PDE1A: variants seen among roughly 807,000 people sequenced by gnomAD.
PDE1A encodes the protein dual specificity calcium/calmodulin-dependent 3',5'-cyclic nucleotide phosphodiesterase 1A.
Under a neutral mutation model 61.7 loss-of-function variants are expected in PDE1A, and 35 were observed. The ratio of observed to expected loss-of-function variants is 0.57; its 90% confidence interval spans 0.43 to 0.75. PDE1A has a LOEUF of 0.75. Among genes scored for constraint, PDE1A ranks in the 30% least tolerant of loss-of-function variants. The pLI is 0.00. For missense variants in PDE1A, 597 were observed against 630.6 expected, an observed-to-expected ratio of 0.95 and a Z score of 0.57; for synonymous variants, 232 against 213.2, an observed-to-expected ratio of 1.09 and a Z score of -0.77.
chr2:182,685,387 TACTC>T, the PDE1A span, among the ~76,000 whole-genome samples: 4 of 152,204 alleles, frequency 2.6e-5, no homozygotes, highest in Non-Finnish European at 4.4e-5. Context: ...GTTTATGTAA[TACTC>T]ATTCTCATTA....
At chr2:182,436,696 T>C (rs1158344993) in intron 2 of PDE1A, among the ~76,000 whole-genome samples, 1 of 152,004 alleles carries the variant, frequency 6.6e-6, no homozygotes, top group Non-Finnish European at 1.5e-5. Context: ...ATATGCCCTG[T>C]TTCAGTTAAT....
intron 1 of PDE1A, among the ~76,000 whole-genome samples, chr2:182,319,659 G>C (rs1055461179): frequency 6.6e-6 from 1 of 152,166 alleles, no homozygotes; most frequent in African/African-American, 2.4e-5. Flanking sequence ...TAAGAAGTAT[G>C]TTTAAGCACC....
At chr2:182,360,308 G>A (rs898052447) in intron 1 of PDE1A, among the ~76,000 whole-genome samples, 12 of 151,972 alleles carry the variant, frequency 7.9e-5, no homozygotes, top group African/African-American at 1.9e-4. Context: ...TTTTAAATTC[G>A]TATAATCTCA....
the PDE1A span, among the ~76,000 whole-genome samples, chr2:182,609,690 C>A: frequency 6.6e-6 from 1 of 152,222 alleles, no homozygotes. Context: ...TAACACTCAC[C>A]GCGAGGGTTC....
chr2:182,268,213 A>G (rs1692771145), intron 1 of PDE1A, among the ~76,000 whole-genome samples: 1 of 151,972 alleles, frequency 6.6e-6, no homozygotes, highest in African/African-American at 2.4e-5. Flanking sequence ...GTGGATGAGG[A>G]CGGCTACTGT....
the PDE1A span, among the ~76,000 whole-genome samples, chr2:182,630,827 C>T: frequency 2.6e-5 from 4 of 152,230 alleles, no homozygotes; most frequent in East Asian, 7.7e-4. Flanking sequence ...CAGGTGCTCA[C>T]TAGAACACAG....
At chr2:182,276,262 A>G (rs914396162) in intron 1 of PDE1A, among the ~76,000 whole-genome samples, 2 of 152,132 alleles carry the variant, frequency 1.3e-5, no homozygotes, top group Non-Finnish European at 2.9e-5. Context: ...TGCTCCAAAT[A>G]GCAACTGCTG....
At chr2:182,188,310 G>A (rs1685412836) in intron 11 of PDE1A, among the ~76,000 whole-genome samples, 1 of 152,200 alleles carries the variant, frequency 6.6e-6, no homozygotes, top group Admixed American at 6.5e-5. Flanking sequence ...TGTGATGGGT[G>A]GTGCTGGAGC....
chr2:182,604,273 T>C, the PDE1A span, among the ~76,000 whole-genome samples: 3 of 152,204 alleles, frequency 2.0e-5, no homozygotes, highest in Non-Finnish European at 4.4e-5. Context: ...TTAGATAACC[T>C]GTCTAATTAT....
At chr2:182,623,900 C>A in the PDE1A span, among the ~76,000 whole-genome samples, 13 of 151,976 alleles carry the variant, frequency 8.6e-5, no homozygotes, top group Admixed American at 4.6e-4. Flanking sequence ...CCGAGACGGG[C>A]GGATCACGAG....
At chr2:182,487,929 T>C (rs888368761) in intron 2 of PDE1A, among the ~76,000 whole-genome samples, 8 of 152,182 alleles carry the variant, frequency 5.3e-5, no homozygotes, top group African/African-American at 1.9e-4. Flanking sequence ...AAGGGGTTCA[T>C]TAATGTCAGA....
chr2:182,210,662 C>T (rs1687508443), intron 7 of PDE1A, among the ~76,000 whole-genome samples: 1 of 151,940 alleles, frequency 6.6e-6, no homozygotes, highest in African/African-American at 2.4e-5. Flanking sequence ...TTAATGAAAT[C>T]CAACTTATCA....
chr2:182,227,645 A>G (rs960438250), intron 6 of PDE1A, among the ~76,000 whole-genome samples: 3 of 152,096 alleles, frequency 2.0e-5, no homozygotes, highest in African/African-American at 7.2e-5. Context: ...TTGCCATTCT[A>G]TAAGGTGGCT....
At chr2:182,579,907 C>T in the PDE1A span, among the ~76,000 whole-genome samples, 2 of 152,156 alleles carry the variant, frequency 1.3e-5, no homozygotes, top group East Asian at 1.9e-4. Context: ...CTAGCTAACT[C>T]TTCTTGTCCC....
chr2:182,503,565 C>T (rs569203022), intron 2 of PDE1A, among the ~76,000 whole-genome samples: 9 of 152,196 alleles, frequency 5.9e-5, no homozygotes, highest in African/African-American at 2.2e-4. Context: ...CCAAGTGCAC[C>T]CTGCTTGGGG....
chr2:182,275,889 T>A lies in PDE1A; in HGVS notation c.54-11475A>T, dbSNP rs565276446. ...TGATTTAAATAGAAACATTGGCATA[T>A]GCTCAATTTATATTTGCACATGACT... is the stretch of plus-strand genomic sequence containing the variant. On this transcript the variant is annotated intron_variant, in intron 1 of 13. Transcript: ENST00000351439. Among the ~76,000 whole-genome samples the A allele has an allele frequency of 3.9e-5, 6 of 152,254 alleles. No homozygotes were observed. In the South Asian group the frequency reaches 1.2e-3, roughly 32 times the overall value.
downstream of PDE1A, among the ~76,000 whole-genome samples, chr2:182,145,471 T>C (rs2125258861): frequency 6.6e-6 from 1 of 152,320 alleles, no homozygotes; most frequent in South Asian, 2.1e-4. Flanking sequence ...CTCACGCCTG[T>C]AATCCTAACA....
intron 1 of PDE1A, among the ~76,000 whole-genome samples, chr2:182,419,933 T>C (rs1399103073): frequency 6.6e-6 from 1 of 152,026 alleles, no homozygotes; most frequent in Admixed American, 6.6e-5. Flanking sequence ...ATGAATTCAG[T>C]ATTGATTCTA....
At position 182,168,171 on chromosome 2, in the gene PDE1A, C is replaced by T. The variant is rs538138980; in HGVS notation, c.*76G>A. 16 of 1,540,960 alleles carry T rather than the reference C, an allele frequency of 1.0e-5. No homozygotes were observed. The East Asian group carries it at 3.2e-4, about 31-fold the overall frequency. On this transcript the variant is annotated 3_prime_UTR_variant, in exon 14 of 14. Coordinates refer to ENST00000351439, the Ensembl canonical transcript of PDE1A. ...CACACAGGACAGGGTAGATTTCCAG[C>T]AAGCATAATCAAAATCTCCAAGTCT...
Sources: gnomAD v4.1 joint callset for allele counts (sites outside exome capture counted in the v4.1 genomes callset) on GRCh38, gnomAD v4.1.1 for gene constraint, MANE v1.5 for transcripts, NCBI Gene and HGNC (gene_info 2026-07-23, HGNC 2026-07-21) for gene names.